Variants in KHDRBS2 observed in about 807,000 individuals in gnomAD.
KHDRBS2 encodes the protein KH RNA binding domain containing, signal transduction associated 2.
Under a neutral mutation model 44.3 loss-of-function variants are expected in KHDRBS2, and 26 were observed. The observed-to-expected ratio is 0.59, with a 90% CI of 0.43 to 0.81. The LOEUF (loss-of-function observed/expected upper bound fraction) is 0.81, where lower values mean the gene tolerates loss of function less well. Among genes scored for constraint, KHDRBS2 ranks in the 40% least tolerant of loss-of-function variants. The pLI, the probability that KHDRBS2 is intolerant of heterozygous loss-of-function variation, is 0.00. For missense variants in KHDRBS2, 476 were observed against 433.1 expected (o/e 1.10, Z -0.88); for synonymous variants, 194 against 151.1 (o/e 1.28, Z -2.08).
intron 1 of KHDRBS2, among the ~76,000 whole-genome samples, chr6:62,254,944 G>A (rs1563142553): frequency 6.6e-6 from 1 of 152,056 alleles, no homozygotes; most frequent in Non-Finnish European, 1.5e-5. Context: ...ACAGCACATT[G>A]TATATCCAAA....
At chr6:61,645,700 C>T in the KHDRBS2 span, among the ~76,000 whole-genome samples, 6 of 152,098 alleles carry the variant, frequency 3.9e-5, no homozygotes, top group African/African-American at 1.4e-4. Context: ...TGGTCAGATA[C>T]ATCTCTGAAA....
chr6:61,603,946 C>G, the KHDRBS2 span, among the ~76,000 whole-genome samples: 3 of 152,164 alleles, frequency 2.0e-5, no homozygotes, highest in South Asian at 2.1e-4. Flanking sequence ...GGCGGTTCCA[C>G]CACGCCTAAT....
At chr6:62,237,807 G>A (rs1466909086) in intron 1 of KHDRBS2, among the ~76,000 whole-genome samples, 2 of 152,152 alleles carry the variant, frequency 1.3e-5, no homozygotes, top group Non-Finnish European at 2.9e-5. Context: ...TTGGGAGGCA[G>A]AGGTGGGCAG....
intron 4 of KHDRBS2, among the ~76,000 whole-genome samples, chr6:61,967,476 A>G (rs554507953): frequency 6.6e-6 from 1 of 152,010 alleles, no homozygotes; most frequent in South Asian, 2.1e-4. Flanking sequence ...GATATGAATG[A>G]AAATAAGAAG....
chr6:61,562,092 A>C, the KHDRBS2 span, among the ~76,000 whole-genome samples: 1 of 152,232 alleles, frequency 6.6e-6, no homozygotes, highest in African/African-American at 2.4e-5. Context: ...AATTCTGACA[A>C]CATAATTTGA....
At chr6:62,222,373 A>C (rs1831047933) in intron 1 of KHDRBS2, among the ~76,000 whole-genome samples, 1 of 152,128 alleles carries the variant, frequency 6.6e-6, no homozygotes, top group Non-Finnish European at 1.5e-5. Flanking sequence ...ATGGCTGGAG[A>C]GGCCTCAAAA....
intron 1 of KHDRBS2, among the ~76,000 whole-genome samples, chr6:62,235,279 T>C (rs187572413): frequency 6.6e-6 from 1 of 152,000 alleles, no homozygotes; most frequent in South Asian, 2.1e-4. Flanking sequence ...ATTCTTATAC[T>C]GTTAGATCTT....
At chr6:61,764,812 TCTTC>T (rs1474521884) in intron 6 of KHDRBS2, among the ~76,000 whole-genome samples, 1 of 152,212 alleles carries the variant, frequency 6.6e-6, no homozygotes, top group Non-Finnish European at 1.5e-5. Context: ...GCAAAACTGT[TCTTC>T]CTTTCTGTAG....
chr6:61,652,712 T>C, the KHDRBS2 span, among the ~76,000 whole-genome samples: 1 of 152,032 alleles, frequency 6.6e-6, no homozygotes. Context: ...CCAGAATCCC[T>C]GGTCTGGAAT....
At chr6:61,998,278 C>T (rs985856987) in intron 3 of KHDRBS2, among the ~76,000 whole-genome samples, 4 of 152,052 alleles carry the variant, frequency 2.6e-5, no homozygotes, top group African/African-American at 9.7e-5. Context: ...ATTCACTGAA[C>T]AACTATTTCA....
rs1173500664 is a variant in KHDRBS2, at chr6:62,141,442, T to C, written c.219+35743A>G. 1.3e-5 allele frequency among the ~76,000 whole-genome samples: 2 copies of C among 152,164 alleles called. 1 individual carries two copies. Among genetic ancestry groups the C allele is most frequent in the South Asian group, 4.1e-4 (2 of 4,830 alleles). On this transcript the variant is annotated intron_variant, in intron 2 of 8. Coordinates refer to ENST00000281156, the MANE Select transcript of KHDRBS2 (RefSeq NM_152688.4). ...CTTAGATAGGACAGAAAAAACTTCA[T>C]CCTATGTGACAGAGGAAGGAGATGC...
At chr6:62,000,186 C>T (rs73483213) in intron 3 of KHDRBS2, among the ~76,000 whole-genome samples, 4,692 of 152,114 alleles carry the variant, frequency 0.031, 241 homozygotes, top group African/African-American at 0.11. Flanking sequence ...ATAAAACATG[C>T]TTCCTATAGT....
chr6:61,765,696 C>T (rs1314511936), intron 6 of KHDRBS2, among the ~76,000 whole-genome samples: 4 of 151,816 alleles, frequency 2.6e-5, no homozygotes, highest in Non-Finnish European at 5.9e-5. Context: ...TTTTTTAAAT[C>T]ATAAAGCATT....
chr6:62,021,177 A>C (rs1270537179), intron 3 of KHDRBS2, among the ~76,000 whole-genome samples: 1 of 151,862 alleles, frequency 6.6e-6, no homozygotes, highest in Non-Finnish European at 1.5e-5. Context: ...TCCAAATACC[A>C]CATATTCCCA....
chr6:62,226,551 T>G (rs1278333726), intron 1 of KHDRBS2, among the ~76,000 whole-genome samples: 1 of 152,214 alleles, frequency 6.6e-6, no homozygotes, highest in African/African-American at 2.4e-5. Context: ...AGATCCTATT[T>G]GTCAATTTTG....
the KHDRBS2 span, among the ~76,000 whole-genome samples, chr6:61,592,987 C>A: frequency 6.6e-6 from 1 of 151,896 alleles, no homozygotes; most frequent in Non-Finnish European, 1.5e-5. Flanking sequence ...ATGATTTATG[C>A]AAACAGATCT....
chr6:61,816,806 A>T (rs547526458), intron 6 of KHDRBS2: 101 of 379,126 alleles, frequency 2.7e-4, no homozygotes, highest in South Asian at 2.0e-3. Context: ...ACTCTCCCAC[A>T]TACATTTTAT....
chr6:61,967,268 A>T (rs1770207679), intron 4 of KHDRBS2, among the ~76,000 whole-genome samples: 1 of 151,766 alleles, frequency 6.6e-6, no homozygotes, highest in African/African-American at 2.4e-5. Context: ...GAAATAAAAC[A>T]AAGTAAAAAA....
chr6:61,730,462 G>T (rs2127559962), intron 7 of KHDRBS2, among the ~76,000 whole-genome samples: 1 of 152,152 alleles, frequency 6.6e-6, no homozygotes, highest in East Asian at 1.9e-4. Flanking sequence ...TTGTGAGAGA[G>T]ATGAGGCTGT....
Sources: gnomAD v4.1 joint callset for allele counts (sites outside exome capture counted in the v4.1 genomes callset) on GRCh38, gnomAD v4.1.1 for gene constraint, MANE v1.5 for transcripts, NCBI Gene and HGNC (gene_info 2026-07-23, HGNC 2026-07-21) for gene names.